The following RPS6KA2 variants were observed in gnomAD, a reference collection of about 807,000 sequenced individuals.
RPS6KA2 encodes the protein ribosomal protein S6 kinase A2, also known as ribosomal protein S6 kinase alpha-2.
A neutral mutation model predicts 91.8 loss-of-function variants in RPS6KA2; 42 were observed. The observed-to-expected ratio is 0.46, with a 90% CI of 0.36 to 0.59. The LOEUF is 0.59. RPS6KA2 is among the 20% of genes least tolerant of loss of function. RPS6KA2 has a pLI of 0.00. For synonymous variants in RPS6KA2, 414 were observed against 393.6 expected, an observed-to-expected ratio of 1.05 and a Z score of -0.61; for missense variants, 798 against 978.5, an observed-to-expected ratio of 0.82 and a Z score of 2.46.
At chr6:166,687,010 C>T (rs1789042589) in intron 2 of RPS6KA2, among the ~76,000 whole-genome samples, 1 of 152,212 alleles carries the variant, frequency 6.6e-6, no homozygotes, top group African/African-American at 2.4e-5. Context: ...GCCCATTCTC[C>T]ATGCTATTGA....
At chr6:166,730,564 G>C (rs1790480245) in intron 2 of RPS6KA2, among the ~76,000 whole-genome samples, 1 of 152,088 alleles carries the variant, frequency 6.6e-6, no homozygotes, top group Non-Finnish European at 1.5e-5. Context: ...AAATTTTCTT[G>C]TCAATTGAAA....
rs968652471 is a variant in RPS6KA2, at chr6:166,732,403, G to T, written c.123+125797C>A. On this transcript the variant is annotated intron_variant, in intron 2 of 21. Coordinates refer to the RPS6KA2 transcript ENST00000503859. This position sits in a 1 kb window ranked among gnomAD's most constrained non-coding sequence, Gnocchi z 4.0. ...ATTGGAGGCTGTTGGAGAGAGCTGGGTCACCAAGCCGCACAGCCCAGGCCT... is the reference window on the plus strand; with the variant it reads ...ATTGGAGGCTGTTGGAGAGAGCTGGTTCACCAAGCCGCACAGCCCAGGCCT... 4.6e-5 allele frequency among the ~76,000 whole-genome samples: 7 copies of T among 152,218 alleles called. No homozygotes were observed. The highest frequency in any genetic ancestry group is 1.2e-4 in the African/African-American group (5 of 41,448).
rs939455955 is a variant in RPS6KA2 at position 166,825,455 on chromosome 6, T to A, written c.123+32745A>T. ...GAGAGGGACCCCTGGGCAGGCCTGC[T>A]TCCCCTGACATGACCCAGATCCTGG... On this transcript the variant is annotated intron_variant, in intron 2 of 21. Transcript: ENST00000503859. This position sits in a 1 kb window ranked among gnomAD's most constrained non-coding sequence, Gnocchi z 4.1. 2.6e-5 allele frequency among the ~76,000 whole-genome samples: 4 copies of A among 152,118 alleles called. No homozygotes were observed. The highest frequency in any genetic ancestry group is 2.6e-4 in the Admixed American group (4 of 15,282).
At chr6:166,784,815 C>T (rs1048808377) in intron 2 of RPS6KA2, among the ~76,000 whole-genome samples, 1 of 151,930 alleles carries the variant, frequency 6.6e-6, no homozygotes, top group South Asian at 2.1e-4. Flanking sequence ...CATGTCTCAT[C>T]CAGGACAGAG....
At chr6:166,817,529 A>C (rs1441776437) in intron 2 of RPS6KA2, among the ~76,000 whole-genome samples, 1 of 152,204 alleles carries the variant, frequency 6.6e-6, no homozygotes, top group Non-Finnish European at 1.5e-5. Context: ...GAGATTCTAC[A>C]TGCAAGTCAC....
chr6:166,824,163 C>T (rs900694636), intron 2 of RPS6KA2, among the ~76,000 whole-genome samples: 7 of 152,060 alleles, frequency 4.6e-5, no homozygotes, highest in Middle Eastern at 6.8e-3. Flanking sequence ...CTCTTTGCAC[C>T]CACGAGAAAC....
intron 17 of RPS6KA2, among the ~76,000 whole-genome samples, chr6:166,420,253 T>C (rs992240976): frequency 1.3e-5 from 2 of 152,204 alleles, no homozygotes; most frequent in African/African-American, 4.8e-5. Context: ...CGGTAAAATA[T>C]GTATGACATA....
At chr6:166,632,805 T>G (rs996349579) in intron 2 of RPS6KA2, among the ~76,000 whole-genome samples, 5 of 151,636 alleles carry the variant, frequency 3.3e-5, no homozygotes, top group African/African-American at 1.2e-4. Context: ...CCGAGCTTAG[T>G]GAGGGAGGAG....
chr6:166,799,500 A>G (rs1177219160), intron 2 of RPS6KA2, among the ~76,000 whole-genome samples: 1 of 152,156 alleles, frequency 6.6e-6, no homozygotes, highest in Admixed American at 6.5e-5. Context: ...CTGGCATAAT[A>G]TCCTAAAGGA....
At chr6:166,845,711 G>A (rs892196758) in intron 2 of RPS6KA2, among the ~76,000 whole-genome samples, 2 of 152,100 alleles carry the variant, frequency 1.3e-5, no homozygotes, top group Admixed American at 1.3e-4. Flanking sequence ...TACAGCAAAT[G>A]CAGTGCTAAG....
At chr6:166,712,243 A>C (rs1276592836) in intron 2 of RPS6KA2, among the ~76,000 whole-genome samples, 1 of 152,194 alleles carries the variant, frequency 6.6e-6, no homozygotes, top group Non-Finnish European at 1.5e-5. Context: ...GTGGATAGGC[A>C]CATCACCTGA....
chr6:166,630,857 C>T (rs182508287), upstream of RPS6KA2, among the ~76,000 whole-genome samples: 6 of 152,324 alleles, frequency 3.9e-5, no homozygotes, highest in Admixed American at 1.3e-4. Context: ...AGGAATTAGT[C>T]CTTGCTCAGG....
In RPS6KA2 at chr6:166,423,569, G is replaced by C; in HGVS notation, c.1582-152C>G. On this transcript the variant is annotated intron_variant, in intron 16 of 20. Coordinates refer to ENST00000265678, the MANE Select transcript of RPS6KA2 (RefSeq NM_021135.6). This position sits in a 1 kb window ranked among gnomAD's most constrained non-coding sequence, Gnocchi z 4.8. ...CAGGCCAACAGTGTCAACAGCTGCT[G>C]TCTTCTCCAGAGGGCCCCCCACCTT... 1 of 689,952 alleles carries C rather than the reference G, an allele frequency of 1.4e-6. No individual in the cohort carries two copies. Among genetic ancestry groups the C allele is most frequent in the South Asian group, 2.0e-5 (1 of 49,374 alleles). The allele number at this position is 689,952 out of a possible 1,614,324, so 42.7% of individuals were successfully genotyped here.
intron 3 of RPS6KA2, among the ~76,000 whole-genome samples, chr6:166,517,455 G>GTTTTTTTTTTT (rs71032809): frequency 1.2e-4 from 13 of 104,926 alleles, no homozygotes; most frequent in African/African-American, 3.6e-4. Flanking sequence ...CTTTTGTTTT[G>GTTTTTTTTTTT]TTTTTTTTTT....
chr6:166,412,685 C>T lies in RPS6KA2; in HGVS notation c.*77G>A. On this transcript the variant is annotated 3_prime_UTR_variant, in exon 21 of 21. Transcript: ENST00000265678. The surrounding 1 kb of genome is among the most constrained non-coding windows in gnomAD (Gnocchi z 4.3). ...GCTGGACTTGTGGTCACTCTGGGTG[C>T]CAGACGGGCTCCGAGGCCGGGGTCT... The T allele has an allele frequency of 1.4e-6, 2 of 1,420,866 alleles. No homozygotes were observed. The highest frequency in any genetic ancestry group is 2.4e-4 in the Middle Eastern group (1 of 4,150). 88.0% of individuals were successfully genotyped at this position (1,420,866 alleles called of 1,614,324 possible).
At chr6:166,746,634 G>A (rs576137267) in intron 2 of RPS6KA2, among the ~76,000 whole-genome samples, 19 of 152,354 alleles carry the variant, frequency 1.2e-4, no homozygotes, top group Admixed American at 9.8e-4. Context: ...TCAGATGCCA[G>A]TCGTAAGCCC....
At chr6:166,553,141 C>T (rs1391837098) in intron 1 of RPS6KA2, among the ~76,000 whole-genome samples, 1 of 152,196 alleles carries the variant, frequency 6.6e-6, no homozygotes, top group Admixed American at 6.5e-5. Context: ...ATTTTTGAAA[C>T]AGGGTCTCAC....
intron 2 of RPS6KA2, among the ~76,000 whole-genome samples, chr6:166,711,630 T>TAATAGCTGAGTCGAGGGAAC (rs1215630411): frequency 6.6e-6 from 1 of 151,972 alleles, no homozygotes; most frequent in African/African-American, 2.4e-5. Context: ...AGACTGGGCT[T>TAATAGCTGAGTCGAGGGAAC]AATAGCTGAG....
At chr6:166,646,534 G>A (rs1256060951) in intron 2 of RPS6KA2, among the ~76,000 whole-genome samples, 4 of 152,238 alleles carry the variant, frequency 2.6e-5, no homozygotes, top group African/African-American at 4.8e-5. Context: ...CAGCGCAAGG[G>A]CCCCGCCAGG....
Sources: gnomAD v4.1 joint callset for allele counts (sites outside exome capture counted in the v4.1 genomes callset) on GRCh38, gnomAD v4.1.1 for gene constraint, Gnocchi (gnomAD v3.1) non-coding constraint, MANE v1.5 for transcripts, NCBI Gene and HGNC (gene_info 2026-07-23, HGNC 2026-07-21) for gene names.